BCO1: variants seen among roughly 807,000 people sequenced by gnomAD.
The protein encoded by BCO1 is beta,beta-carotene 15,15'-dioxygenase.
A neutral mutation model predicts 56.3 loss-of-function variants in BCO1; 54 were observed. The observed-to-expected ratio is 0.96, with a 90% CI of 0.77 to 1.20. The LOEUF is 1.20. BCO1 is among the 50% of genes most tolerant of loss of function. The pLI, the probability that BCO1 is intolerant of heterozygous loss-of-function variation, is 0.00. For missense variants in BCO1, 801 were observed against 690.9 expected (o/e 1.16, Z -1.79); for synonymous variants, 318 against 266.1 (o/e 1.20, Z -1.90).
Position 81,267,928 on chromosome 16 carries a change from A to G in BCO1, c.640A>G (p.Ser214Gly). Reference sequence around the variant, plus strand: ...GCTAGAGGGCAAGAAGCAGGGGAAGAGCCCCTGGAAGCACACAGAGGTGTT... The same window carrying G: ...GCTAGAGGGCAAGAAGCAGGGGAAGGGCCCCTGGAAGCACACAGAGGTGTT... Reference protein sequence around the residue: ...TVPEGKKQGKSPWKHTEVFCS... With the variant: ...TVPEGKKQGKGPWKHTEVFCS... Residue 214 changes from serine (S) to glycine (G), a missense_variant, in exon 6 of 11, where the codon AGC (serine) becomes GGC (glycine). By Grantham distance (56) the Ser-to-Gly change is moderately conservative. Transcript: ENST00000258168. 1 of 1,613,748 alleles carries G rather than the reference A, an allele frequency of 6.2e-7. No homozygotes were observed. The highest frequency in any genetic ancestry group is 8.5e-7 in the Non-Finnish European group (1 of 1,179,944).
rs183096464 is a variant in BCO1, at chr16:81,271,870, C to T, written c.1101+1454C>T. Among the ~76,000 whole-genome samples the T allele has an allele frequency of 8.0e-3, 1,211 of 152,088 alleles. 5 individuals carry two copies. Among genetic ancestry groups the T allele is most frequent in the Non-Finnish European group, 0.012 (837 of 68,004 alleles). The stretch of plus-strand genomic sequence containing the variant: ...GTTCAAGCAATTCTTGTGCCTCAGC[C>T]TCCTGAGTAGCTGGGATTACAGGTG... On this transcript the variant is annotated intron_variant, in intron 7 of 10. Coordinates refer to ENST00000258168, the MANE Select transcript of BCO1 (RefSeq NM_017429.3).
At chr16:81,265,101 C>T (rs988991803) in intron 5 of BCO1, among the ~76,000 whole-genome samples, 5 of 151,840 alleles carry the variant, frequency 3.3e-5, no homozygotes, top group African/African-American at 1.2e-4. Flanking sequence ...CCTTCATCTA[C>T]CATCCATCCA....
intron 10 of BCO1, among the ~76,000 whole-genome samples, chr16:81,289,789 G>A (rs1215345947): frequency 2.0e-5 from 3 of 152,204 alleles, no homozygotes; most frequent in African/African-American, 7.2e-5. Flanking sequence ...TACAGATGAA[G>A]AGACTGAGGC....
chr16:81,240,973 G>A (rs113744668), intron 1 of BCO1, among the ~76,000 whole-genome samples: 1 of 150,572 alleles, frequency 6.6e-6, no homozygotes, highest in Admixed American at 6.6e-5. Flanking sequence ...TAGCTGGAAT[G>A]ACAGGCATGC....
In BCO1 at chr16:81,249,026, C is replaced by A. The variant is rs866547887; in HGVS notation, c.193+3423C>A. Reference sequence around the variant, plus strand: ...GACTCCGTCTCAAGAAAAAAAGCACCAGTGGTTTTCCTTCCATGAGGCCTT... The same window carrying A: ...GACTCCGTCTCAAGAAAAAAAGCACAAGTGGTTTTCCTTCCATGAGGCCTT... On this transcript the variant is annotated intron_variant, in intron 2 of 10. Transcript: ENST00000258168. 4.6e-5 allele frequency among the ~76,000 whole-genome samples: 7 copies of A among 151,882 alleles called. No individual in the cohort carries two copies. The Middle Eastern group carries it at 0.01, about 224-fold the overall frequency.
intron 2 of BCO1, among the ~76,000 whole-genome samples, chr16:81,254,416 G>C (rs981494553): frequency 6.8e-6 from 1 of 147,164 alleles, no homozygotes; most frequent in Non-Finnish European, 1.5e-5. Context: ...CTCCCAAAGT[G>C]CTGGGATTAC....
chr16:81,252,582 A>T (rs1037339879), intron 2 of BCO1, among the ~76,000 whole-genome samples: 2 of 152,288 alleles, frequency 1.3e-5, no homozygotes, highest in African/African-American at 4.8e-5. Context: ...ATAATTCAAC[A>T]TTTCAGGTCA....
chr16:81,262,384 G>A, intron 4 of BCO1, 101 bp downstream of exon 4: 1 of 1,333,646 alleles, frequency 7.5e-7, no homozygotes, highest in Non-Finnish European at 1.1e-6. Context: ...GCTTACCAGG[G>A]GAGCCCCTCC....
chr16:81,268,289 G>C (rs892245072), intron 6 of BCO1, among the ~76,000 whole-genome samples, 158 bp downstream of exon 6: 1 of 152,288 alleles, frequency 6.6e-6, no homozygotes, highest in Admixed American at 6.5e-5. Flanking sequence ...GAAGCTGGAT[G>C]GTCCTTCAGA....
chr16:81,251,504 G>A (rs1905795922), intron 2 of BCO1, among the ~76,000 whole-genome samples: 2 of 149,240 alleles, frequency 1.3e-5, no homozygotes, highest in South Asian at 4.2e-4. Context: ...AGGCTGCAGT[G>A]AGCCGAGATC....
At chr16:81,251,164 A>T (rs1044166514) in intron 2 of BCO1, among the ~76,000 whole-genome samples, 5 of 152,336 alleles carry the variant, frequency 3.3e-5, no homozygotes, top group Admixed American at 1.3e-4. Flanking sequence ...CTTAAGACCA[A>T]ACATCTAACT....
intron 1 of BCO1, 82 bp downstream of exon 1, chr16:81,239,054 T>A: frequency 7.8e-7 from 1 of 1,281,890 alleles, no homozygotes; most frequent in Non-Finnish European, 1.1e-6. Context: ...TCTCGCTCTG[T>A]CGCCCGGGCT....
At chr16:81,246,849 T>TAAAAAAAAAA (rs1905450106) in intron 2 of BCO1, among the ~76,000 whole-genome samples, 1 of 45,630 alleles carries the variant, frequency 2.2e-5, no homozygotes, top group African/African-American at 9.9e-5. Flanking sequence ...AGACTTTGTC[T>TAAAAAAAAAA]CAAAAAAAAA....
chr16:81,280,884 A>T lies in BCO1; in HGVS notation c.1129A>T (p.Lys377Ter), dbSNP rs1356684176. Residue 377 changes from lysine to a stop codon, truncating the protein, a stop_gained, in exon 8 of 11, where the codon AAA (lysine) becomes TAA (stop). Transcript: ENST00000258168. LOFTEE classifies it high-confidence loss of function. Reference protein sequence around the residue: ...KNAEVGTNLIKVASTTATALK... With the variant: ...KNAEVGTNLI Reference sequence around the variant, plus strand: ...TGCAGAAGTGGGCACAAATTTAATCAAAGTGGCATCTACAACAGCCACGGC... The same window carrying T: ...TGCAGAAGTGGGCACAAATTTAATCTAAGTGGCATCTACAACAGCCACGGC... 1 of 1,614,086 alleles carries T rather than the reference A, an allele frequency of 6.2e-7. No homozygotes were observed. Among genetic ancestry groups the T allele is most frequent in the Admixed American group, 1.7e-5 (1 of 60,024 alleles).
At chr16:81,248,405 C>CAAAAAA (rs372084002) in intron 2 of BCO1, among the ~76,000 whole-genome samples, 7 of 102,772 alleles carry the variant, frequency 6.8e-5, no homozygotes, top group African/African-American at 2.1e-4. Flanking sequence ...CTCCCTCTCA[C>CAAAAAA]AAAAAAAAAA....
intron 1 of BCO1, among the ~76,000 whole-genome samples, chr16:81,239,839 G>C (rs999659775): frequency 6.6e-6 from 1 of 151,904 alleles, no homozygotes; most frequent in African/African-American, 2.4e-5. Context: ...CACTTTCCTG[G>C]TACCATTTCG....
intron 3 of BCO1, 24 bp from the exon 4 acceptor site, chr16:81,262,112 C>G (rs1168115618): frequency 6.2e-6 from 10 of 1,612,696 alleles, no homozygotes; most frequent in African/African-American, 2.7e-5. Context: ...GCCACTGACT[C>G]TGTTGATTTG....
At chr16:81,288,302 G>A (rs1270408288) in intron 10 of BCO1, among the ~76,000 whole-genome samples, 1 of 152,146 alleles carries the variant, frequency 6.6e-6, no homozygotes, top group African/African-American at 2.4e-5. Context: ...TTGCTCTGTT[G>A]CCCAGGCTGG....
At chr16:81,258,634 C>G (rs994096778) in intron 2 of BCO1, among the ~76,000 whole-genome samples, 1 of 152,204 alleles carries the variant, frequency 6.6e-6, no homozygotes, top group African/African-American at 2.4e-5. Flanking sequence ...GGTCAGCACT[C>G]TCAGATGGGT....
Sources: allele counts gnomAD v4.1 joint callset (sites outside exome capture counted in the v4.1 genomes callset), GRCh38; gene constraint gnomAD v4.1.1; transcripts MANE v1.5; gene names NCBI Gene and HGNC (gene_info 2026-07-23, HGNC 2026-07-21).